The following CTSZ variants were observed in gnomAD, a reference collection of about 807,000 sequenced individuals.
The protein encoded by CTSZ is cathepsin Z, also known as carboxypeptidase LB.
A neutral mutation model predicts 32.4 loss-of-function variants in CTSZ; 39 were observed. The observed-to-expected ratio is 1.20, with a 90% confidence interval of 0.93 to 1.57. CTSZ has a LOEUF of 1.57. CTSZ is among the 40% of genes most tolerant of loss of function. The pLI is 0.00. For synonymous variants in CTSZ, 168 were observed against 170.1 expected (o/e 0.99, Z 0.10); for missense variants, 397 against 419.6 (o/e 0.95, Z 0.47).
At chr20:59,000,426 G>T (rs1373408099) in intron 3 of CTSZ, among the ~76,000 whole-genome samples, 1 of 152,216 alleles carries the variant, frequency 6.6e-6, no homozygotes, top group Admixed American at 6.5e-5. Flanking sequence ...TGGGATTAGG[G>T]TCTGGACTTT....
Position 59,007,137 on chromosome 20 carries a change from G to A in CTSZ, c.-9C>T. ...GGCCCGCGCCTCGCCATGGCCCCGC[G>A]CCGGCTCCTGGGTCCCGCTCCGGAT... is the stretch of plus-strand genomic sequence containing the variant. On this transcript the variant is annotated 5_prime_UTR_variant, in exon 1 of 6. Coordinates refer to ENST00000217131, the MANE Select transcript of CTSZ (RefSeq NM_001336.4). 7.4e-7 allele frequency: 1 copy of A among 1,352,000 alleles called. No individual in the cohort carries two copies. The highest frequency in any genetic ancestry group is 1.8e-5 in the South Asian group (1 of 55,236). 83.8% of individuals were successfully genotyped at this position (1,352,000 alleles called of 1,614,324 possible). A position where few individuals can be genotyped will look rare whatever the true frequency, so the allele number is the denominator to read the frequency against.
chr20:58,998,378 C>CT (rs377525010), intron 3 of CTSZ, among the ~76,000 whole-genome samples: 37 of 150,098 alleles, frequency 2.5e-4, no homozygotes, highest in African/African-American at 8.8e-4. Flanking sequence ...CCTGTCTCTA[C>CT]TAATAAAGTA....
intron 2 of CTSZ, chr20:59,006,055 A>G (rs1446457394): frequency 4.0e-6 from 2 of 502,762 alleles, no homozygotes; most frequent in Non-Finnish European, 7.1e-6. Context: ...TGAGGTCACA[A>G]GCTTTGGGGG....
At chr20:59,001,698 CCGAA>C in intron 2 of CTSZ, 54 bp from the exon 3 acceptor site, 10 of 1,574,360 alleles carry the variant, frequency 6.4e-6, no homozygotes, top group Non-Finnish European at 8.7e-6. Context: ...ACCCACTTCC[CCGAA>C]CGGACCTGGA....
At chr20:59,000,912 C>T (rs1601225685) in intron 3 of CTSZ, among the ~76,000 whole-genome samples, 1 of 151,448 alleles carries the variant, frequency 6.6e-6, no homozygotes, top group East Asian at 1.9e-4. Context: ...TCACTGCAAC[C>T]TCTGCCTCCC....
chr20:58,997,794 C>A, intron 3 of CTSZ, 41 bp from the exon 4 acceptor site: 1 of 1,532,170 alleles, frequency 6.5e-7, no homozygotes, highest in Non-Finnish European at 8.8e-7. Flanking sequence ...GCCGTCTCCT[C>A]ATCAACCCAC....
intron 2 of CTSZ, 69 bp from the exon 3 acceptor site, chr20:59,001,713 C>A: frequency 1.3e-6 from 2 of 1,524,950 alleles, no homozygotes; most frequent in East Asian, 4.5e-5. Context: ...CGGACCTGGA[C>A]GCCTCAGGCG....
rs2091894946 is a variant in CTSZ at position 59,002,796 on chromosome 20, AC to A, written c.308-1153del. 6.6e-6 allele frequency among the ~76,000 whole-genome samples: 1 copy of A among 151,772 alleles called. No individual in the cohort carries two copies. The highest frequency in any genetic ancestry group is 1.5e-5 in the Non-Finnish European group (1 of 67,918). On this transcript the variant is annotated intron_variant, in intron 2 of 5. Coordinates refer to ENST00000217131, the MANE Select transcript of CTSZ (RefSeq NM_001336.4). The surrounding 1 kb of genome is among the most constrained non-coding windows in gnomAD (Gnocchi z 4.1). ...TGGCTGGTTTGTCCCCTCCCACCTG[AC>A]CGACCCACCCTAGGTTCCATCCTGT... is the stretch of plus-strand genomic sequence containing the variant.
In CTSZ at chr20:59,004,537, C is replaced by T. The variant is rs150930436; in HGVS notation, c.307+1785G>A. On this transcript the variant is annotated intron_variant, in intron 2 of 5. Coordinates refer to ENST00000217131, the MANE Select transcript of CTSZ (RefSeq NM_001336.4). This position sits in a 1 kb window ranked among gnomAD's most constrained non-coding sequence, Gnocchi z 5.6. ...AGAGGAAGTGGAGGGACTCCAGATA[C>T]TTCCCTAGGGAGCCCAGAATTGGGG... 6.2e-4 allele frequency among the ~76,000 whole-genome samples: 94 copies of T among 152,052 alleles called. No homozygotes were observed. Among genetic ancestry groups the T allele is most frequent in the Middle Eastern group, 6.8e-3 (2 of 294 alleles).
intron 3 of CTSZ, among the ~76,000 whole-genome samples, chr20:58,999,938 G>A (rs1036730436): frequency 6.6e-6 from 1 of 152,174 alleles, no homozygotes; most frequent in African/African-American, 2.4e-5. Context: ...GCGCGGTGGC[G>A]GGCGCCTGTA....
rs2091895562 is a variant in CTSZ at position 59,002,920 on chromosome 20, TTC to T, written c.308-1278_308-1277del. On this transcript the variant is annotated intron_variant, in intron 2 of 5. Transcript: ENST00000217131. The surrounding 1 kb of genome is among the most constrained non-coding windows in gnomAD (Gnocchi z 4.1). The stretch of plus-strand genomic sequence containing the variant: ...AGATCTGCACACCCCAAACTTGCCT[TTC>T]TCACAACAACAGAGGAAGCCCCCGG... Among the ~76,000 whole-genome samples, 1 of 152,058 alleles carries T rather than the reference TTC, an allele frequency of 6.6e-6. No individual in the cohort carries two copies. Among genetic ancestry groups the T allele is most frequent in the African/African-American group, 2.4e-5 (1 of 41,418 alleles).
chr20:59,003,418 CTG>C (rs1223222669), intron 2 of CTSZ, among the ~76,000 whole-genome samples: 1 of 152,236 alleles, frequency 6.6e-6, no homozygotes, highest in African/African-American at 2.4e-5. Context: ...ATTACTCACA[CTG>C]TGGGCTAACA....
rs201081465 is a variant in CTSZ, at chr20:58,997,692, C to T, written c.549G>A (p.Arg183=). 6.2e-7 allele frequency: 1 copy of T among 1,610,758 alleles called. No individual in the cohort carries two copies. Among genetic ancestry groups the T allele is most frequent in the Non-Finnish European group, 8.5e-7 (1 of 1,178,506 alleles). Residue 183 remains arginine, a synonymous_variant, in exon 4 of 6, where the codon CGG becomes CGA. Coordinates refer to ENST00000217131, the MANE Select transcript of CTSZ (RefSeq NM_001336.4). ...CTCCCACCCTCCAGAGGGTGTAGTT[C>T]CGGATGGCGTGGCACTCTTTGAATT... is the stretch of plus-strand genomic sequence containing the variant. ...CNEFKECHAI[R]NYTLWRVGDY...
At position 58,996,719 on chromosome 20, in the gene CTSZ, G is replaced by T; in HGVS notation, c.721C>A (p.His241Asn). Residue 241 changes from histidine (H) to asparagine (N), a missense_variant, in exon 5 of 6, where the codon CAT becomes AAT. Transcript: ENST00000217131. Reference protein sequence around the residue: ...AEYQDTTYINHVVSVAGWGIS... With the variant: ...AEYQDTTYINNVVSVAGWGIS... The stretch of plus-strand genomic sequence containing the variant: ...CCCCACCCAGCCACAGAAACGACAT[G>T]GTTTATATATGTGGTGTCCTGGTAT... The T allele has an allele frequency of 6.2e-7, 1 of 1,614,150 alleles. No individual in the cohort carries two copies. The highest frequency in any genetic ancestry group is 8.5e-7 in the Non-Finnish European group (1 of 1,179,990).
At position 59,006,386 on chromosome 20, in the gene CTSZ, C is replaced by A; in HGVS notation, c.243G>T (p.Arg81=). The part of the protein sequence containing the change: ...VDGVNYASIT[R]NQHIPQYCGS... ...CGCAGTATTGGGGGATGTGCTGGTT[C>A]CGGGTGATGCTGGCATAGTTGACAC... Residue 81 remains arginine, a synonymous_variant, in exon 2 of 6, where the codon CGG becomes CGT. Coordinates refer to ENST00000217131, the MANE Select transcript of CTSZ (RefSeq NM_001336.4). 2.5e-6 allele frequency: 4 copies of A among 1,613,986 alleles called. No individual in the cohort carries two copies. The highest frequency in any genetic ancestry group is 2.5e-6 in the Non-Finnish European group (3 of 1,180,030).
Position 58,996,679 on chromosome 20 carries a change from G to T in CTSZ, c.761C>A (p.Thr254Asn). 1 of 1,614,130 alleles carries T rather than the reference G, an allele frequency of 6.2e-7. No individual in the cohort carries two copies. The highest frequency in any genetic ancestry group is 1.1e-5 in the South Asian group (1 of 91,084). The stretch of plus-strand genomic sequence containing the variant: ...TGAATTCCGGACAATCCAGTACTCA[G>T]TCCCATCACTGATGCCCCACCCAGC... ...SVAGWGISDG[T>N]EYWIVRNSWG... Residue 254 changes from threonine (T) to asparagine (N), a missense_variant, in exon 5 of 6, where the codon ACT (threonine) becomes AAT (asparagine). Transcript: ENST00000217131.
At chr20:58,995,785 G>T in intron 5 of CTSZ, 26 bp from the exon 6 acceptor site, 1 of 1,604,030 alleles carries the variant, frequency 6.2e-7, no homozygotes, top group Non-Finnish European at 8.5e-7. Context: ...TCGCGCGTCA[G>T]CCCATCTGCA....
chr20:58,995,389 C>T lies in CTSZ; in HGVS notation c.*260G>A, dbSNP rs183405857. On this transcript the variant is annotated 3_prime_UTR_variant, in exon 6 of 6. Coordinates refer to ENST00000217131, the MANE Select transcript of CTSZ (RefSeq NM_001336.4). ...CTGCTGAAGAAGACTGAGGTCCCATCGTTTCCTGTGTCGCAGGTCACTTCT... is the reference window on the plus strand; with the variant it reads ...CTGCTGAAGAAGACTGAGGTCCCATTGTTTCCTGTGTCGCAGGTCACTTCT... The T allele has an allele frequency of 6.4e-5, 26 of 409,208 alleles. No homozygotes were observed. The Admixed American group carries it at 9.4e-4, about 15-fold the overall frequency. 25.3% of individuals were successfully genotyped at this position (409,208 alleles called of 1,614,324 possible).
chr20:59,002,544 C>CGGGGG lies in CTSZ; in HGVS notation c.308-901_308-900insCCCCC, dbSNP rs1568683488. On this transcript the variant is annotated intron_variant, in intron 2 of 5. Transcript: ENST00000217131. The surrounding 1 kb of genome is among the most constrained non-coding windows in gnomAD (Gnocchi z 4.1). ...CTGCCCATTGGCAGCCCCCTCTGGA[C>CGGGGG]CTGCACATCCCCTCCATCTCTTGTC... 6.6e-6 allele frequency among the ~76,000 whole-genome samples: 1 copy of CGGGGG among 152,100 alleles called. No homozygotes were observed. Among genetic ancestry groups the CGGGGG allele is most frequent in the Non-Finnish European group, 1.5e-5 (1 of 67,998 alleles).
Sources: allele counts gnomAD v4.1 joint callset (sites outside exome capture counted in the v4.1 genomes callset), GRCh38; gene constraint gnomAD v4.1.1; non-coding constraint Gnocchi (gnomAD v3.1); transcripts MANE v1.5; gene names NCBI Gene and HGNC (gene_info 2026-07-23, HGNC 2026-07-21).